Variants in LINGO2 observed in about 807,000 individuals in gnomAD.
LINGO2 encodes the protein leucine rich repeat and Ig domain containing 2.
Under a neutral mutation model 30.6 loss-of-function variants are expected in LINGO2, and 14 were observed. The ratio of observed to expected loss-of-function variants is 0.46; its 90% CI spans 0.30 to 0.72. The LOEUF is 0.72. Among genes scored for constraint, LINGO2 ranks in the 30% least tolerant of loss-of-function variants. The pLI is 0.07. For synonymous variants in LINGO2, 317 were observed against 288.5 expected (o/e 1.10, Z -1.00); for missense variants, 729 against 751.7 (o/e 0.97, Z 0.35).
rs888153278 is a variant in LINGO2 at position 28,118,168 on chromosome 9, C to T, written c.-86-105763G>A. On this transcript the variant is annotated intron_variant, in intron 4 of 5. Coordinates refer to ENST00000379992, the Ensembl canonical transcript of LINGO2. ...TTAGATGATGGATTGATAGGTGCAG[C>T]AAACCACTATGGCACATGTTTACCT... Among the ~76,000 whole-genome samples the T allele has an allele frequency of 6.6e-5, 10 of 152,122 alleles. No homozygotes were observed. In the East Asian group the frequency reaches 1.9e-3, roughly 30 times the overall value.
At chr9:28,300,901 G>A (rs1014446712) in intron 3 of LINGO2, among the ~76,000 whole-genome samples, 10 of 150,776 alleles carry the variant, frequency 6.6e-5, no homozygotes, top group Non-Finnish European at 7.4e-5. Flanking sequence ...TGTCAGCTTT[G>A]AGTAGAAAAT....
chr9:27,990,464 C>CCA (rs905202853), intron 5 of LINGO2, among the ~76,000 whole-genome samples: 32 of 102,224 alleles, frequency 3.1e-4, no homozygotes, highest in African/African-American at 1.0e-3. Flanking sequence ...GTCTCAATAC[C>CCA]CCCCCCCCTT....
the LINGO2 span, among the ~76,000 whole-genome samples, chr9:28,691,821 T>G: frequency 6.6e-6 from 1 of 152,174 alleles, no homozygotes; most frequent in African/African-American, 2.4e-5. Context: ...TACAATTGAA[T>G]TAATTCCTAC....
the LINGO2 span, among the ~76,000 whole-genome samples, chr9:28,847,789 CACATATA>C: frequency 1.4e-4 from 5 of 35,688 alleles, no homozygotes; most frequent in Non-Finnish European, 2.5e-4. Flanking sequence ...AGTATATATA[CACATATA>C]TGTATAGTAT....
rs536823546 is a variant in LINGO2 at position 27,957,485 on chromosome 9, G to T, written c.-35-6779C>A. Among the ~76,000 whole-genome samples, 5 of 152,160 alleles carry T rather than the reference G, an allele frequency of 3.3e-5. No homozygotes were observed. In the South Asian group the frequency reaches 8.3e-4, roughly 25 times the overall value. On this transcript the variant is annotated intron_variant, in intron 5 of 5. Coordinates refer to ENST00000379992, the Ensembl canonical transcript of LINGO2. ...TTTTTTGTACTTTTAGTAGAGACAG[G>T]GTTTCAACATGTTGGCCAGGATGAT...
the LINGO2 span, among the ~76,000 whole-genome samples, chr9:28,948,062 T>G: frequency 6.6e-6 from 1 of 152,224 alleles, no homozygotes; most frequent in South Asian, 2.1e-4. Flanking sequence ...CAATCCAATT[T>G]GATGTACCCA....
intron 5 of LINGO2, among the ~76,000 whole-genome samples, chr9:28,001,415 C>G (rs60755722): frequency 0.46 from 70,111 of 151,618 alleles, 16,508 homozygotes; most frequent in East Asian, 0.59. Flanking sequence ...ACAATAAGCC[C>G]ATGATCAAGA....
intron 1 of LINGO2, among the ~76,000 whole-genome samples, chr9:28,630,103 T>A (rs73443377): frequency 0.098 from 14,943 of 151,952 alleles, 1,034 homozygotes; most frequent in Admixed American, 0.24. Flanking sequence ...ACATGAACTC[T>A]TCATGCTAGA....
At chr9:28,262,600 A>G (rs1822602722) in intron 4 of LINGO2, among the ~76,000 whole-genome samples, 1 of 152,016 alleles carries the variant, frequency 6.6e-6, no homozygotes, top group South Asian at 2.1e-4. Context: ...TTAACACAGT[A>G]TATGTGAGAA....
At chr9:28,222,269 G>T (rs566915495) in intron 4 of LINGO2, among the ~76,000 whole-genome samples, 3 of 152,042 alleles carry the variant, frequency 2.0e-5, no homozygotes, top group Non-Finnish European at 2.9e-5. Flanking sequence ...TTTAAATATT[G>T]CTGTAACTTG....
intron 1 of LINGO2, among the ~76,000 whole-genome samples, chr9:28,531,817 A>G (rs1821247192): frequency 6.6e-6 from 1 of 151,262 alleles, no homozygotes; most frequent in African/African-American, 2.4e-5. Context: ...TCAAGGGTGA[A>G]AAAAAAAAGC....
At chr9:28,207,009 C>T (rs1030762026) in intron 4 of LINGO2, among the ~76,000 whole-genome samples, 1 of 152,078 alleles carries the variant, frequency 6.6e-6, no homozygotes, top group Admixed American at 6.6e-5. Flanking sequence ...ATAAATATTT[C>T]TCTTATTTAT....
chr9:28,527,921 A>G (rs562422000), intron 1 of LINGO2, among the ~76,000 whole-genome samples: 3 of 152,288 alleles, frequency 2.0e-5, no homozygotes, highest in African/African-American at 7.2e-5. Context: ...TTTAAACCTT[A>G]CTGAAAATGA....
At chr9:28,503,980 A>G (rs2135327743) in intron 1 of LINGO2, among the ~76,000 whole-genome samples, 1 of 152,094 alleles carries the variant, frequency 6.6e-6, no homozygotes. Context: ...CCTGAAATTT[A>G]GTGGATACTT....
chr9:28,958,748 G>T, the LINGO2 span, among the ~76,000 whole-genome samples: 7 of 152,004 alleles, frequency 4.6e-5, no homozygotes, highest in African/African-American at 1.7e-4. Flanking sequence ...GGGAAGGGAG[G>T]GGGGAGAGGG....
At chr9:28,414,715 C>A (rs1424588508) in intron 2 of LINGO2, among the ~76,000 whole-genome samples, 1 of 151,970 alleles carries the variant, frequency 6.6e-6, no homozygotes, top group Non-Finnish European at 1.5e-5. Flanking sequence ...ATGAGTGCAC[C>A]AAGCTGATTG....
the LINGO2 span, among the ~76,000 whole-genome samples, chr9:29,011,227 G>C: frequency 6.6e-6 from 1 of 152,156 alleles, no homozygotes; most frequent in Non-Finnish European, 1.5e-5. Context: ...TCCCAAACCT[G>C]TGGGTGAAAA....
the LINGO2 span, among the ~76,000 whole-genome samples, chr9:29,169,762 G>T: frequency 6.6e-6 from 1 of 152,146 alleles, no homozygotes; most frequent in Admixed American, 6.5e-5. Context: ...CAGCACTTTG[G>T]GAAGCCCAGA....
the LINGO2 span, among the ~76,000 whole-genome samples, chr9:29,103,720 T>A: frequency 6.6e-6 from 1 of 152,138 alleles, no homozygotes; most frequent in East Asian, 1.9e-4. Flanking sequence ...CCATTCCTAG[T>A]CAATACCAAT....
Sources: allele counts gnomAD v4.1 joint callset (sites outside exome capture counted in the v4.1 genomes callset), GRCh38; gene constraint gnomAD v4.1.1; transcripts MANE v1.5; gene names NCBI Gene and HGNC (gene_info 2026-07-23, HGNC 2026-07-21).